The following TMPRSS15 variants were observed in gnomAD, a reference collection of about 807,000 sequenced individuals.
TMPRSS15 encodes the protein enteropeptidase.
A neutral mutation model predicts 125.3 loss-of-function variants in TMPRSS15; 128 were observed. The ratio of observed to expected loss-of-function variants is 1.02; its 90% CI spans 0.89 to 1.18. The LOEUF (loss-of-function observed/expected upper bound fraction) is 1.18, where lower values mean the gene tolerates loss of function less well. Among genes scored for constraint, TMPRSS15 ranks in the 50% most tolerant of loss-of-function variants. The pLI is 0.00. For missense variants in TMPRSS15, 1,283 were observed against 1,212.7 expected (o/e 1.06, Z -0.86); for synonymous variants, 446 against 423.2 (o/e 1.05, Z -0.66).
At position 18,343,530 on chromosome 21, in the gene TMPRSS15, G is replaced by T. The variant is rs998646254; in HGVS notation, c.1404C>A (p.Thr468=). 4 of 1,611,614 alleles carry T rather than the reference G, an allele frequency of 2.5e-6. No homozygotes were observed. Among genetic ancestry groups the T allele is most frequent in the Non-Finnish European group, 3.4e-6 (4 of 1,178,238 alleles). ...YGDNWNYGQV[T]LNETVKFKVA... is the part of the protein sequence containing the mutation. ...CCTTAAATTTAACTGTTTCATTTAG[G>T]GTTACTTGTCCATAATTCCAATTGT... The change falls in exon 12 of 25, where the codon ACC becomes ACA. Residue 468 remains threonine (T), a synonymous_variant. Coordinates refer to ENST00000284885, the MANE Select transcript of TMPRSS15 (RefSeq NM_002772.3).
chr21:18,271,692 T>G (rs1303769080), intron 24 of TMPRSS15, among the ~76,000 whole-genome samples: 3 of 152,150 alleles, frequency 2.0e-5, no homozygotes. Flanking sequence ...GGTGCTTTGC[T>G]GAACCTATTG....
At chr21:18,430,999 A>T (rs1005626125) in intron 1 of TMPRSS15, among the ~76,000 whole-genome samples, 3 of 152,204 alleles carry the variant, frequency 2.0e-5, no homozygotes, top group African/African-American at 7.2e-5. Context: ...ACAGTCTTAG[A>T]ACAGATATAT....
chr21:18,294,653 C>T lies in TMPRSS15; in HGVS notation c.2262-1G>A. 1.2e-6 allele frequency: 2 copies of T among 1,608,846 alleles called. No homozygotes were observed. The highest frequency in any genetic ancestry group is 1.7e-6 in the Non-Finnish European group (2 of 1,175,288). On this transcript the variant is annotated splice_acceptor_variant, in intron 19 of 24. Coordinates refer to ENST00000284885, the MANE Select transcript of TMPRSS15 (RefSeq NM_002772.3). LOFTEE classifies it high-confidence loss of function. ...CAAGGAATCCTGTAAACACTGTTGA[C>T]TGTAATAGAAGAACAATCATATTTT...
At chr21:18,291,284 A>T (rs1334651628) in intron 21 of TMPRSS15, among the ~76,000 whole-genome samples, 1 of 152,218 alleles carries the variant, frequency 6.6e-6, no homozygotes, top group Non-Finnish European at 1.5e-5. Flanking sequence ...TTCAAAGTCA[A>T]ACTTGCCCTT....
At chr21:18,409,188 C>G (rs1242343764) in intron 1 of TMPRSS15, among the ~76,000 whole-genome samples, 1 of 151,562 alleles carries the variant, frequency 6.6e-6, no homozygotes, top group Non-Finnish European at 1.5e-5. Flanking sequence ...CATAATTGTG[C>G]CAATGTATGA....
chr21:18,454,199 C>T (rs368553697), intron 1 of TMPRSS15, among the ~76,000 whole-genome samples: 49 of 152,084 alleles, frequency 3.2e-4, no homozygotes, highest in African/African-American at 1.1e-3. Context: ...GAAATGTAGA[C>T]ATTTTGAAAA....
chr21:18,294,314 G>T lies in TMPRSS15; in HGVS notation c.2442C>A (p.Leu814=). Residue 814 remains leucine (L), a synonymous_variant, in exon 21 of 25, where the codon CTC becomes CTA. Transcript: ENST00000284885. The stretch of plus-strand genomic sequence containing the variant: ...CGGACACCAGCCAGTCACTGCTGAC[G>T]AGAGATGCGCCGCAGAGCAGTCGGC... The part of the protein sequence containing the change: ...YGGRLLCGAS[L]VSSDWLVSAA... 2 of 1,614,222 alleles carry T rather than the reference G, an allele frequency of 1.2e-6. No homozygotes were observed. Among genetic ancestry groups the T allele is most frequent in the Non-Finnish European group, 8.5e-7 (1 of 1,180,044 alleles).
chr21:18,439,269 G>A (rs1247854555), intron 1 of TMPRSS15, among the ~76,000 whole-genome samples: 2 of 152,056 alleles, frequency 1.3e-5, no homozygotes, highest in African/African-American at 4.8e-5. Flanking sequence ...CATGTTGAAG[G>A]AGCAAGAATT....
chr21:18,348,214 T>C (rs2075529503), intron 10 of TMPRSS15, among the ~76,000 whole-genome samples: 1 of 151,824 alleles, frequency 6.6e-6, no homozygotes, highest in Non-Finnish European at 1.5e-5. Flanking sequence ...GAAAATTGAA[T>C]ACACTTTGTT....
intron 5 of TMPRSS15, among the ~76,000 whole-genome samples, chr21:18,376,713 C>T (rs538625599): frequency 6.6e-6 from 1 of 152,120 alleles, no homozygotes; most frequent in African/African-American, 2.4e-5. Context: ...CCTCTAGGCA[C>T]GCTGTAGCAC....
chr21:18,365,841 T>C (rs568212552), intron 6 of TMPRSS15, among the ~76,000 whole-genome samples: 4 of 151,224 alleles, frequency 2.6e-5, no homozygotes, highest in African/African-American at 9.7e-5. Flanking sequence ...TTCAAGTGAT[T>C]CTCCTGCCTC....
chr21:18,445,968 C>G lies in TMPRSS15; in HGVS notation c.10+39831G>C, dbSNP rs141415604. On this transcript the variant is annotated intron_variant, in intron 1 of 7. Coordinates refer to the TMPRSS15 transcript ENST00000422787. The stretch of plus-strand genomic sequence containing the variant: ...GGAATTACTGGCCAGAGCCATCAGG[C>G]AAGAGAAAGAAATAAAGGGCATCCA... Among the ~76,000 whole-genome samples, 1,115 of 152,152 alleles carry G rather than the reference C, an allele frequency of 7.3e-3. 13 individuals are homozygous for G. Among genetic ancestry groups the G allele is most frequent in the African/African-American group, 0.026 (1,067 of 41,476 alleles).
At chr21:18,425,825 G>C (rs1375196703) in intron 1 of TMPRSS15, among the ~76,000 whole-genome samples, 2 of 152,168 alleles carry the variant, frequency 1.3e-5, no homozygotes, top group Non-Finnish European at 2.9e-5. Context: ...AGATGCATCA[G>C]TATTCTGGGC....
At chr21:18,461,030 G>A (rs1219460329) in intron 1 of TMPRSS15, among the ~76,000 whole-genome samples, 1 of 152,034 alleles carries the variant, frequency 6.6e-6, no homozygotes, top group Admixed American at 6.6e-5. Context: ...AATGAACATA[G>A]AAATTTACCT....
intron 15 of TMPRSS15, among the ~76,000 whole-genome samples, chr21:18,327,876 A>AC (rs2075308441): frequency 1.3e-5 from 2 of 151,942 alleles, no homozygotes; most frequent in African/African-American, 4.8e-5. Flanking sequence ...ACATGGTGAA[A>AC]CCCCGTCTCT....
Position 18,344,060 on chromosome 21 carries a change from C to A in TMPRSS15, c.1172G>T (p.Gly391Val), listed in dbSNP as rs142617767. The change falls in exon 11 of 25, where the codon GGA (glycine) becomes GTA (valine). Residue 391 changes from glycine to valine, a missense_variant and splice_region_variant. Coordinates refer to ENST00000284885, the MANE Select transcript of TMPRSS15 (RefSeq NM_002772.3). ...TCCAGTTGGGGTAGAAATGTAAAAT[C>A]CTGTAAAAATATCAAAAAAAATTTA... ...NFDHTFGNAS[G>V]FYISTPTGPG... The A allele has an allele frequency of 1.9e-6, 3 of 1,612,448 alleles. No homozygotes were observed. The highest frequency in any genetic ancestry group is 2.5e-6 in the Non-Finnish European group (3 of 1,179,230).
chr21:18,445,449 C>T (rs1278821731), intron 1 of TMPRSS15, among the ~76,000 whole-genome samples: 2 of 151,952 alleles, frequency 1.3e-5, no homozygotes, highest in Admixed American at 6.6e-5. Flanking sequence ...CCAAAGTGCT[C>T]GAATTGTAGG....
chr21:18,279,178 T>G, intron 22 of TMPRSS15, 119 bp from the exon 23 acceptor site: 1 of 657,212 alleles, frequency 1.5e-6, no homozygotes. Context: ...ATGTATTTTT[T>G]TTTTTAATCC....
chr21:18,426,109 CA>C (rs1192283759), intron 1 of TMPRSS15, among the ~76,000 whole-genome samples: 3 of 152,142 alleles, frequency 2.0e-5, no homozygotes, highest in African/African-American at 7.2e-5. Context: ...CAAGGGCCCA[CA>C]ATTACTTTAT....
Sources: gnomAD v4.1 joint callset for allele counts (sites outside exome capture counted in the v4.1 genomes callset) on GRCh38, gnomAD v4.1.1 for gene constraint, MANE v1.5 for transcripts, NCBI Gene and HGNC (gene_info 2026-07-23, HGNC 2026-07-21) for gene names.